Variants in SHANK1 observed in about 807,000 individuals in gnomAD.
SHANK1 encodes the protein SH3 and multiple ankyrin repeat domains 1.
In SHANK1, 35 loss-of-function variants were observed where a neutral mutation model predicts 165.6. The ratio of observed to expected loss-of-function variants is 0.21; its 90% CI spans 0.16 to 0.28. The LOEUF is 0.28. Ranked by LOEUF, SHANK1 falls within the 10% of genes least tolerant of loss-of-function variation. The pLI is 1.00. For missense variants in SHANK1, 2,681 were observed against 3,036.4 expected, an observed-to-expected ratio of 0.88 and a Z score of 2.75; for synonymous variants, 1,428 against 1,384.8, an observed-to-expected ratio of 1.03 and a Z score of -0.69.
Position 50,686,274 on chromosome 19 carries a change from A to C in SHANK1, c.2540T>G (p.Leu847Arg). ...ESPGPGGLASLGKHRPKGFFA... is the reference protein window; with the variant it reads ...ESPGPGGLASRGKHRPKGFFA... ...GAAACCTTTGGGTCGGTGTTTGCCC[A>C]GGGACGCGAGGCCACCGGGACCAGG... Residue 847 changes from leucine to arginine, a missense_variant, in exon 21 of 24, where the codon CTG (leucine) becomes CGG (arginine). Physicochemically the swap from Leu to Arg is moderately radical, Grantham distance 102 (BLOSUM62 -2). Around this residue, in one of 10 missense-constraint regions of SHANK1, gnomAD observed 206 missense variants for 216.0 expected, o/e 0.95. Transcript: ENST00000293441. This position sits in a 1 kb window ranked among gnomAD's most constrained non-coding sequence, Gnocchi z 5.7. 3 of 1,607,216 alleles carry C rather than the reference A, an allele frequency of 1.9e-6. No individual in the cohort carries two copies. The highest frequency in any genetic ancestry group is 2.6e-6 in the Non-Finnish European group (3 of 1,176,378).
At chr19:50,689,688 G>A (rs1305707580) in intron 15 of SHANK1, among the ~76,000 whole-genome samples, 1 of 152,140 alleles carries the variant, frequency 6.6e-6, no homozygotes, top group Non-Finnish European at 1.5e-5. Flanking sequence ...ATAATGGGGG[G>A]CTATCACAGA....
intron 21 of SHANK1, among the ~76,000 whole-genome samples, chr19:50,681,876 A>T (rs986401253): frequency 3.9e-5 from 6 of 151,972 alleles, no homozygotes; most frequent in Non-Finnish European, 7.4e-5. Context: ...TGCTCGAGTG[A>T]TCCTCCCACC....
rs1307606004 is a variant in SHANK1 at position 50,697,326 on chromosome 19, G to GC, written c.1938-205dup. 6.7e-6 allele frequency among the ~76,000 whole-genome samples: 1 copy of GC among 149,046 alleles called. No homozygotes were observed. Among genetic ancestry groups the GC allele is most frequent in the East Asian group, 2.0e-4 (1 of 4,904 alleles). On this transcript the variant is annotated intron_variant, in intron 14 of 23. Transcript: ENST00000293441. This position sits in a 1 kb window ranked among gnomAD's most constrained non-coding sequence, Gnocchi z 4.7. ...GCCAGCCAGACATAAGAGCGCCCCG[G>GC]CCCCCCCAGGCATCCCCACCCTGCC...
In SHANK1 at chr19:50,667,147, C is replaced by T; in HGVS notation, c.4813G>A (p.Val1605Met). ...TPAPATPLPP[V>M]PPPAVAAAPP... ...GCTGCGGCCACAGCCGGGGGTGGCA[C>T]AGGGGGTAACGGGGTGGCAGGGGCA... Residue 1605 changes from valine to methionine, a missense_variant, in exon 23 of 24, where the codon GTG (valine) becomes ATG (methionine). Physicochemically the swap from Val to Met is conservative, Grantham distance 21. Coordinates refer to ENST00000293441, the MANE Select transcript of SHANK1 (RefSeq NM_016148.5). This position sits in a 1 kb window ranked among gnomAD's most constrained non-coding sequence, Gnocchi z 5.7. The T allele has an allele frequency of 1.3e-6, 2 of 1,551,902 alleles. No homozygotes were observed. The highest frequency in any genetic ancestry group is 1.7e-6 in the Non-Finnish European group (2 of 1,155,208).
At chr19:50,715,763 C>A (rs747720514) in intron 3 of SHANK1, 33 bp from the exon 4 acceptor site, 1 of 1,596,578 alleles carries the variant, frequency 6.3e-7, no homozygotes, top group Admixed American at 1.7e-5. Context: ...GAGAGAGACA[C>A]AGAGACTTGG....
In SHANK1 at chr19:50,661,354, G is replaced by A. The variant is rs1235822763; in HGVS notation, c.*611C>T. Among the ~76,000 whole-genome samples the A allele has an allele frequency of 3.3e-5, 5 of 152,138 alleles. No homozygotes were observed. Among genetic ancestry groups the A allele is most frequent in the Non-Finnish European group, 5.9e-5 (4 of 68,014 alleles). On this transcript the variant is annotated 3_prime_UTR_variant, in exon 24 of 24. Transcript: ENST00000293441. ...AGCAGAGTGTATTTGAGCGGGCCTC[G>A]CCAGCCAGAAGCAAAGGCAGAATGT...
rs142003578 is a variant in SHANK1 at position 50,687,676 on chromosome 19, G to A, written c.2309-14C>T. 18,741 of 1,478,346 alleles carry A rather than the reference G, an allele frequency of 0.013. 166 individuals are homozygous for A. Among genetic ancestry groups the A allele is most frequent in the Non-Finnish European group, 0.015 (16,632 of 1,113,434 alleles). 91.6% of individuals were successfully genotyped at this position (1,478,346 alleles called of 1,614,324 possible). On this transcript the variant is annotated splice_polypyrimidine_tract_variant and intron_variant, in intron 18 of 23. Coordinates refer to ENST00000293441, the MANE Select transcript of SHANK1 (RefSeq NM_016148.5). ...CCTGCTGGGGTGCTGAAAAGGTGAT[G>A]AGGGGAGGCATCAGTATCATGGGGG...
chr19:50,693,049 A>G (rs1986593221), intron 15 of SHANK1, among the ~76,000 whole-genome samples: 1 of 150,792 alleles, frequency 6.6e-6, no homozygotes, highest in Non-Finnish European at 1.5e-5. Context: ...GGTCCCTTTC[A>G]TACTTCCTGG....
At chr19:50,689,149 C>G in intron 16 of SHANK1, 48 bp downstream of exon 16, 1 of 1,462,312 alleles carries the variant, frequency 6.8e-7, no homozygotes, top group Non-Finnish European at 9.6e-7. Context: ...AGCCCTGCTT[C>G]TGGGGTCACA....
chr19:50,691,664 T>C (rs1599858006), intron 15 of SHANK1, among the ~76,000 whole-genome samples: 1 of 152,178 alleles, frequency 6.6e-6, no homozygotes, highest in East Asian at 1.9e-4. Context: ...GTACCAGTTC[T>C]ACTTTATCTA....
intron 21 of SHANK1, among the ~76,000 whole-genome samples, chr19:50,685,980 G>C (rs192129415): frequency 6.6e-6 from 1 of 152,098 alleles, no homozygotes; most frequent in Non-Finnish European, 1.5e-5. Context: ...AAGAGGCGGG[G>C]CAAGAGCTCA....
chr19:50,685,962 G>A (rs924131793), intron 21 of SHANK1, among the ~76,000 whole-genome samples: 26 of 152,064 alleles, frequency 1.7e-4, no homozygotes, highest in Non-Finnish European at 1.3e-4. Flanking sequence ...GGGACGCAGA[G>A]GGACACAAAG....
In SHANK1 at chr19:50,688,810, A is replaced by C; in HGVS notation, c.2172+34T>G. 6.3e-7 allele frequency: 1 copy of C among 1,591,110 alleles called. No individual in the cohort carries two copies. The highest frequency in any genetic ancestry group is 8.6e-7 in the Non-Finnish European group (1 of 1,167,194). On this transcript the variant is annotated intron_variant, in intron 17 of 23. Coordinates refer to ENST00000293441, the MANE Select transcript of SHANK1 (RefSeq NM_016148.5). This position sits in a 1 kb window ranked among gnomAD's most constrained non-coding sequence, Gnocchi z 6.7. ...ATGAGGGGGTCTGGGAACTTGTCACAGGGTCCCAGGGAAGAGAGGGGGCCT... is the reference window on the plus strand; with the variant it reads ...ATGAGGGGGTCTGGGAACTTGTCACCGGGTCCCAGGGAAGAGAGGGGGCCT...
At position 50,686,206 on chromosome 19, in the gene SHANK1, T is replaced by C; in HGVS notation, c.2577+31A>G. On this transcript the variant is annotated intron_variant, in intron 21 of 23. Transcript: ENST00000293441. The surrounding 1 kb of genome is among the most constrained non-coding windows in gnomAD (Gnocchi z 5.7). ...GTTGGTGTGTGAACCGCCTCCCCCC[T>C]GGCAGTTCCTCCCCACACCAGGCCG... 7.5e-6 allele frequency: 10 copies of C among 1,337,364 alleles called. No individual in the cohort carries two copies. The highest frequency in any genetic ancestry group is 1.0e-5 in the Non-Finnish European group (10 of 957,288). The allele number at this position is 1,337,364 out of a possible 1,614,324, so 82.8% of individuals were successfully genotyped here.
intron 8 of SHANK1, among the ~76,000 whole-genome samples, chr19:50,704,956 G>A (rs188706315): frequency 9.9e-5 from 15 of 152,146 alleles, no homozygotes; most frequent in Non-Finnish European, 1.9e-4. Context: ...TTGGGAGGCT[G>A]AGGTGGGAGG....
At chr19:50,703,438 G>A (rs11671478) in intron 11 of SHANK1, 62 bp downstream of exon 11, 130,988 of 1,409,398 alleles carry the variant, frequency 0.093, 6,762 homozygotes, top group South Asian at 0.13. Context: ...GGGGGAAGCC[G>A]CCGATCTGGA....
rs1985562939 is a variant in SHANK1, at chr19:50,667,181, G to A, written c.4779C>T (p.Pro1593=). Reference sequence around the variant, plus strand: ...ACGGGGTGGCAGGGGCAGGTGTGTCGGGCAGCGGGTGGGGAGGCCCAGGCG... The same window carrying A: ...ACGGGGTGGCAGGGGCAGGTGTGTCAGGCAGCGGGTGGGGAGGCCCAGGCG... ...PLTPGPPHPL[P]DTPAPATPLP... The change falls in exon 23 of 24, where the codon CCC becomes CCT. Residue 1593 remains proline, a synonymous_variant. Coordinates refer to ENST00000293441, the MANE Select transcript of SHANK1 (RefSeq NM_016148.5). The surrounding 1 kb of genome is among the most constrained non-coding windows in gnomAD (Gnocchi z 5.7). 1.3e-6 allele frequency: 2 copies of A among 1,565,928 alleles called. No individual in the cohort carries two copies. The highest frequency in any genetic ancestry group is 1.3e-5 in the African/African-American group (1 of 74,710).
chr19:50,716,319 G>A lies in SHANK1; in HGVS notation c.415C>T (p.Arg139Trp). The part of the protein sequence containing the change: ...ANFLEEERLL[R>W]EYPQSFEKGV... Reference sequence around the variant, plus strand: ...TTCTCAAAGGACTGGGGGTACTCCCGCAGCAGCCTCTCCTCCTCCAGGAAG... The same window carrying A: ...TTCTCAAAGGACTGGGGGTACTCCCACAGCAGCCTCTCCTCCTCCAGGAAG... Residue 139 changes from arginine (R) to tryptophan (W), a missense_variant, in exon 3 of 24, where the codon CGG becomes TGG. Arg to Trp is a moderately radical substitution (Grantham distance 101). Around this residue, in one of 10 missense-constraint regions of SHANK1, gnomAD observed 189 missense variants for 440.9 expected, o/e 0.43. Transcript: ENST00000293441. The surrounding 1 kb of genome is among the most constrained non-coding windows in gnomAD (Gnocchi z 8.4). The A allele has an allele frequency of 1.9e-6, 3 of 1,614,172 alleles. No homozygotes were observed. Among genetic ancestry groups the A allele is most frequent in the Non-Finnish European group, 2.5e-6 (3 of 1,180,020 alleles).
intron 15 of SHANK1, among the ~76,000 whole-genome samples, chr19:50,695,227 G>A (rs1986697088): frequency 7.0e-6 from 1 of 143,538 alleles, no homozygotes; most frequent in Non-Finnish European, 1.6e-5. Context: ...GGGAGGGAGG[G>A]CAGGGCCGGG....
Sources: allele counts gnomAD v4.1 joint callset (sites outside exome capture counted in the v4.1 genomes callset), GRCh38; gene constraint gnomAD v4.1.1; regional missense constraint gnomAD v4.1.1; non-coding constraint Gnocchi (gnomAD v3.1); transcripts MANE v1.5; gene names NCBI Gene and HGNC (gene_info 2026-07-23, HGNC 2026-07-21).